The following VEGFA variants were observed in gnomAD, a reference collection of about 807,000 sequenced individuals.
VEGFA encodes vascular endothelial growth factor A.
Under a neutral mutation model 49.7 loss-of-function variants are expected in VEGFA, and 20 were observed. The ratio of observed to expected loss-of-function variants is 0.40; its 90% CI spans 0.28 to 0.58. The LOEUF (loss-of-function observed/expected upper bound fraction) is 0.58, where lower values mean the gene tolerates loss of function less well. Among genes scored for constraint, VEGFA ranks in the 20% least tolerant of loss-of-function variants. The probability of loss-of-function intolerance (pLI) is 0.40; values close to 1 mark genes in which losing one functional copy is unlikely to be tolerated. For missense variants in VEGFA, 505 were observed against 553.5 expected, an observed-to-expected ratio of 0.91 and a Z score of 0.88; for synonymous variants, 219 against 223.4, an observed-to-expected ratio of 0.98 and a Z score of 0.18.
Position 43,771,292 on chromosome 6 carries a change from C to G in VEGFA, c.586C>G (p.Leu196Val), listed in dbSNP as rs755797583. Residue 196 changes from leucine to valine, a missense_variant, in exon 1 of 8, where the codon CTC (leucine) becomes GTC (valine). Physicochemically the swap from Leu to Val is conservative, Grantham distance 32 (BLOSUM62 1). Transcript: ENST00000672860. ...GGTGCATTGGAGCCTTGCCTTGCTG[C>G]TCTACCTCCACCATGCCAAGGTAAG... The G allele has an allele frequency of 1.4e-5, 22 of 1,605,972 alleles. No homozygotes were observed. Among genetic ancestry groups the G allele is most frequent in the South Asian group, 2.2e-5 (2 of 90,582 alleles).
chr6:43,779,941 G>C, intron 5 of VEGFA: 1 of 301,046 alleles, frequency 3.3e-6, no homozygotes, highest in East Asian at 8.2e-5. Context: ...GGAGAGTAGG[G>C]GGCTCGCCTG....
rs895212897 is a variant in VEGFA, at chr6:43,784,920, TTA to T, written c.*372_*373del. The T allele has an allele frequency of 9.4e-4, 215 of 228,510 alleles. No individual in the cohort carries two copies. The highest frequency in any genetic ancestry group is 3.0e-3 in the Middle Eastern group (2 of 674). The allele number at this position is 228,510 out of a possible 1,614,324, so 14.2% of individuals were successfully genotyped here. On this transcript the variant is annotated 3_prime_UTR_variant, in exon 8 of 8. Coordinates refer to ENST00000672860, the MANE Select transcript of VEGFA (RefSeq NM_003376.6). ...GACACACCCACCCACATACATACAT[TTA>T]TATATATATATATTATATATATATA...
intron 5 of VEGFA, chr6:43,780,362 G>C (rs1055040524): frequency 9.0e-5 from 33 of 368,100 alleles, no homozygotes; most frequent in Middle Eastern, 9.1e-4. Context: ...GGGCTGCTGG[G>C]CAAAGAGCCT....
At chr6:43,782,121 G>A (rs768152587) in intron 7 of VEGFA, 34 bp downstream of exon 7, 47 of 1,611,432 alleles carry the variant, frequency 2.9e-5, no homozygotes, top group Middle Eastern at 1.7e-4. Context: ...GTCAGAGAGG[G>A]GCATCACACA....
chr6:43,772,476 T>A lies in VEGFA; in HGVS notation c.606+1164T>A, dbSNP rs373564641. 6.7e-4 allele frequency among the ~76,000 whole-genome samples: 102 copies of A among 152,264 alleles called. 1 individual carries two copies. The highest frequency in any genetic ancestry group is 2.3e-3 in the African/African-American group (95 of 41,554). On this transcript the variant is annotated intron_variant, in intron 1 of 7. Transcript: ENST00000672860. ...CTCGTGGGGGTGGGTCAAGGGAGGA[T>A]TTGAAGAGTCATTGCCCCACTTTAC... is the stretch of plus-strand genomic sequence containing the variant.
At position 43,777,502 on chromosome 6, in the gene VEGFA, A is replaced by G; in HGVS notation, c.692A>G (p.Tyr231Cys). ...TTCATGGATGTCTATCAGCGCAGCT[A>G]CTGCCATCCAATCGAGACCCTGGTG... The change falls in exon 3 of 8, where the codon TAC (tyrosine) becomes TGC (cysteine). Residue 231 changes from tyrosine to cysteine, a missense_variant. Tyr to Cys is a radical substitution (Grantham distance 194). Around this residue, in one of 2 missense-constraint regions of VEGFA, gnomAD observed 165 missense variants for 231.7 expected, o/e 0.71. Transcript: ENST00000672860. The surrounding 1 kb of genome is among the most constrained non-coding windows in gnomAD (Gnocchi z 4.3). The G allele has an allele frequency of 6.2e-7, 1 of 1,614,178 alleles. No homozygotes were observed. The highest frequency in any genetic ancestry group is 8.5e-7 in the Non-Finnish European group (1 of 1,180,032).
chr6:43,770,434 G>C lies in VEGFA; in HGVS notation c.-273G>C. On this transcript the variant is annotated 5_prime_UTR_variant, in exon 1 of 8. Transcript: ENST00000672860. The stretch of plus-strand genomic sequence containing the variant: ...TTGTTTCTCGTTTTAATTTATTTTT[G>C]CTTGCCATTCCCCACTTGAATCGGG... 2.1e-6 allele frequency: 1 copy of C among 468,258 alleles called. No homozygotes were observed. The allele number at this position is 468,258 out of a possible 1,614,324, so 29.0% of individuals were successfully genotyped here. A position where few individuals can be genotyped will look rare whatever the true frequency, so the allele number is the denominator to read the frequency against.
chr6:43,771,482 C>A (rs1763537621), intron 1 of VEGFA, among the ~76,000 whole-genome samples, 170 bp downstream of exon 1: 1 of 151,386 alleles, frequency 6.6e-6, no homozygotes, highest in Non-Finnish European at 1.5e-5. Context: ...GGGGCGCGCG[C>A]GCTAGGTGGG....
At position 43,770,313 on chromosome 6, in the gene VEGFA, C is replaced by A. The variant is rs1185749287; in HGVS notation, c.-394C>A. On this transcript the variant is annotated 5_prime_UTR_variant, in exon 1 of 8. Transcript: ENST00000672860. The stretch of plus-strand genomic sequence containing the variant: ...GCGGTTAGGTGGACCGGTCAGCGGA[C>A]TCACCGGCCAGGGCGCTCGGTGCTG... 3.7e-6 allele frequency: 1 copy of A among 271,518 alleles called. No individual in the cohort carries two copies. The highest frequency in any genetic ancestry group is 6.9e-6 in the Non-Finnish European group (1 of 144,128). The allele number at this position is 271,518 out of a possible 1,614,324, so 16.8% of individuals were successfully genotyped here.
intron 6 of VEGFA, 185 bp downstream of exon 6, chr6:43,780,988 G>A (rs1767488142): frequency 6.8e-7 from 1 of 1,463,240 alleles, no homozygotes; most frequent in African/African-American, 1.4e-5. Context: ...AGATTTGGTG[G>A]TGGCATTGCT....
intron 6 of VEGFA, chr6:43,781,532 C>T (rs1767747851): frequency 3.2e-6 from 1 of 311,972 alleles, no homozygotes; most frequent in African/African-American, 2.2e-5. Flanking sequence ...CTACTTTAGC[C>T]CACCTTGGTG....
intron 1 of VEGFA, chr6:43,772,163 A>G (rs1292333195): frequency 1.3e-6 from 1 of 766,452 alleles, no homozygotes; most frequent in Non-Finnish European, 1.6e-6. Flanking sequence ...TCCAGACCCT[A>G]CCTCTGCCCA....
intron 6 of VEGFA, chr6:43,781,037 T>C: frequency 9.5e-7 from 1 of 1,048,202 alleles, no homozygotes; most frequent in Non-Finnish European, 1.4e-6. Context: ...CGACTTGGCC[T>C]GGAGGATTAA....
At chr6:43,780,225 A>G (rs3025012) in intron 5 of VEGFA, 28,836 of 174,242 alleles carry the variant, frequency 0.17, 1,999 homozygotes, top group Admixed American at 0.19. Context: ...TTGCAAATGA[A>G]GGCACAAGGC....
rs111933757 is a variant in VEGFA at position 43,784,657 on chromosome 6, T to C, written c.*95T>C. On this transcript the variant is annotated 3_prime_UTR_variant, in exon 8 of 8. Coordinates refer to ENST00000672860, the MANE Select transcript of VEGFA (RefSeq NM_003376.6). The stretch of plus-strand genomic sequence containing the variant: ...AGAACGATCGATACAGAAACCACGC[T>C]GCCGCCACCACACCATCACCATCGA... The C allele has an allele frequency of 1.1e-3, 1,678 of 1,595,692 alleles. 19 individuals are homozygous for C. In the African/African-American group the frequency reaches 0.02, roughly 19 times the overall value.
intron 2 of VEGFA, 140 bp downstream of exon 2, chr6:43,774,532 C>T: frequency 1.9e-6 from 2 of 1,030,528 alleles, no homozygotes; most frequent in Non-Finnish European, 3.0e-6. Flanking sequence ...AAGAGCTGGG[C>T]ACCACGAGGT....
At chr6:43,780,555 G>T in intron 5 of VEGFA, 177 bp from the exon 6 acceptor site, 2 of 804,256 alleles carry the variant, frequency 2.5e-6, no homozygotes, top group Admixed American at 2.1e-5. Context: ...GCCCAGACAC[G>T]CCTGTGTGCG....
chr6:43,783,759 A>G (rs1768727671), intron 7 of VEGFA: 1 of 152,414 alleles, frequency 6.6e-6, no homozygotes, highest in African/African-American at 2.4e-5. Context: ...ACCCAGGGGC[A>G]GGGGCATGCT....
intron 3 of VEGFA, 24 bp from the exon 4 acceptor site, chr6:43,778,436 G>A (rs1162345954): frequency 6.2e-7 from 1 of 1,612,278 alleles, no homozygotes; most frequent in South Asian, 1.1e-5. Context: ...ACTAACCTCT[G>A]TGATCTGCTT....
Sources: gnomAD v4.1 joint callset for allele counts (sites outside exome capture counted in the v4.1 genomes callset) on GRCh38, gnomAD v4.1.1 for gene constraint, gnomAD v4.1.1 regional missense constraint, Gnocchi (gnomAD v3.1) non-coding constraint, MANE v1.5 for transcripts, NCBI Gene and HGNC (gene_info 2026-07-23, HGNC 2026-07-21) for gene names.